Variants in PRUNE2 observed in about 807,000 individuals in gnomAD.
PRUNE2 encodes the protein protein prune homolog 2.
A neutral mutation model predicts 252.0 loss-of-function variants in PRUNE2; 164 were observed. The observed-to-expected ratio is 0.65, with a 90% CI of 0.57 to 0.74. The LOEUF (loss-of-function observed/expected upper bound fraction) is 0.74. PRUNE2 is among the 30% of genes least tolerant of loss of function. The pLI is 0.00. For synonymous variants in PRUNE2, 1,292 were observed against 1,350.2 expected, an observed-to-expected ratio of 0.96 and a Z score of 0.94; for missense variants, 3,495 against 3,711.0, an observed-to-expected ratio of 0.94 and a Z score of 1.51.
At chr9:76,795,615 C>T (rs1015127108) in intron 6 of PRUNE2, among the ~76,000 whole-genome samples, 3 of 151,940 alleles carry the variant, frequency 2.0e-5, no homozygotes, top group Non-Finnish European at 2.9e-5. Flanking sequence ...TTCTTGTACA[C>T]GAGCCTAAAA....
In PRUNE2 at chr9:76,630,257, T is replaced by A. The variant is rs181052390; in HGVS notation, c.9051-967A>T. 3.2e-3 allele frequency among the ~76,000 whole-genome samples: 452 copies of A among 143,454 alleles called. 1 individual carries two copies. Among genetic ancestry groups the A allele is most frequent in the Non-Finnish European group, 3.9e-3 (257 of 65,122 alleles). 94.1% of individuals were successfully genotyped at this position (143,454 alleles called of 152,430 possible). ...TTTTTTTTTTAGTTTATTTTAAAAA[T>A]TTTTGTTTTTTTTTTTTTAAAGTTT... On this transcript the variant is annotated intron_variant, in intron 15 of 18. Transcript: ENST00000376718.
chr9:76,807,969 G>T (rs1393992254), intron 6 of PRUNE2, among the ~76,000 whole-genome samples: 1 of 152,156 alleles, frequency 6.6e-6, no homozygotes, highest in African/African-American at 2.4e-5. Flanking sequence ...CCTGAGGTCA[G>T]GAGTTCGAGA....
At chr9:76,735,557 G>A (rs1033592169) in intron 6 of PRUNE2, among the ~76,000 whole-genome samples, 1 of 151,796 alleles carries the variant, frequency 6.6e-6, no homozygotes, top group African/African-American at 2.4e-5. Context: ...GGGAATAGCA[G>A]GAGTAACTGG....
chr9:76,820,159 C>G (rs2057953254), intron 6 of PRUNE2, among the ~76,000 whole-genome samples: 1 of 152,174 alleles, frequency 6.6e-6, no homozygotes, highest in South Asian at 2.1e-4. Flanking sequence ...TTAAGAAGAG[C>G]TGCCCCTCTG....
chr9:76,708,359 C>T lies in PRUNE2; in HGVS notation c.3915G>A (p.Glu1305=), dbSNP rs1331430241. Residue 1305 remains glutamate (E), a synonymous_variant, in exon 8 of 19, where the codon GAG becomes GAA. Coordinates refer to ENST00000376718, the MANE Select transcript of PRUNE2 (RefSeq NM_015225.3). The part of the protein sequence containing the change: ...SDAASLATRL[E]NPGYFPHPDP... ...CTGGGTGTGGAAAATACCCTGGATT[C>T]TCAAGCCTAGTCGCCAAGGATGCTG... 4 of 1,613,730 alleles carry T rather than the reference C, an allele frequency of 2.5e-6. No homozygotes were observed. Among genetic ancestry groups the T allele is most frequent in the Admixed American group, 1.7e-5 (1 of 60,002 alleles).
chr9:76,713,495 C>T, intron 7 of PRUNE2, 68 bp downstream of exon 7: 1 of 1,370,114 alleles, frequency 7.3e-7, no homozygotes. Context: ...TTCTGTCTTG[C>T]ACTGTGTGTT....
chr9:76,705,895 G>C lies in PRUNE2; in HGVS notation c.6379C>G (p.Pro2127Ala). ...CAAAGCTCACTGGATTCCACTTCAGGTCCCATGCAAGCACTGAGGTGCTTC... is the reference window on the plus strand; with the variant it reads ...CAAAGCTCACTGGATTCCACTTCAGCTCCCATGCAAGCACTGAGGTGCTTC... Reference protein sequence around the residue: ...TEKHLSACMGPEVESSELCLT... With the variant: ...TEKHLSACMGAEVESSELCLT... Residue 2127 changes from proline (P) to alanine (A), a missense_variant, in exon 8 of 19, where the codon CCT (proline) becomes GCT (alanine). By Grantham distance (27) the Pro-to-Ala change is conservative. Transcript: ENST00000376718. The C allele has an allele frequency of 6.2e-7, 1 of 1,613,810 alleles. No homozygotes were observed. The highest frequency in any genetic ancestry group is 8.5e-7 in the Non-Finnish European group (1 of 1,179,866).
chr9:76,708,147 A>G lies in PRUNE2; in HGVS notation c.4127T>C (p.Ile1376Thr). Residue 1376 changes from isoleucine (I) to threonine (T), a missense_variant, in exon 8 of 19, where the codon ATC (isoleucine) becomes ACC (threonine). By Grantham distance (89) the Ile-to-Thr change is moderately conservative. Transcript: ENST00000376718. ...GCTGATTTTGCCTGATTTAATGCAG[A>G]TTTCCTGATGTTCAGATGCAACCAG... ...SSLVASEHQE[I>T]CIKSGKISSL... 1 of 1,613,938 alleles carries G rather than the reference A, an allele frequency of 6.2e-7. No individual in the cohort carries two copies. Among genetic ancestry groups the G allele is most frequent in the African/African-American group, 1.3e-5 (1 of 75,036 alleles).
intron 6 of PRUNE2, among the ~76,000 whole-genome samples, chr9:76,731,324 A>ATATTTTT (rs1332074252): frequency 1.9e-5 from 2 of 106,794 alleles, no homozygotes; most frequent in African/African-American, 6.9e-5. Flanking sequence ...ATATATATAT[A>ATATTTTT]TTTTTTTTTT....
At chr9:76,764,080 A>G (rs1017371931) in intron 6 of PRUNE2, among the ~76,000 whole-genome samples, 4 of 152,304 alleles carry the variant, frequency 2.6e-5, no homozygotes, top group South Asian at 4.1e-4. Context: ...TTCACAATGC[A>G]TTCATTGATT....
intron 6 of PRUNE2, among the ~76,000 whole-genome samples, chr9:76,812,770 A>G (rs1373378780): frequency 6.6e-6 from 1 of 152,152 alleles, no homozygotes; most frequent in African/African-American, 2.4e-5. Flanking sequence ...CCCCAGATGC[A>G]CATGTGTCTC....
At chr9:76,787,890 G>A (rs941255309) in intron 6 of PRUNE2, among the ~76,000 whole-genome samples, 2 of 152,174 alleles carry the variant, frequency 1.3e-5, no homozygotes, top group East Asian at 1.9e-4. Context: ...TCCTGTGACC[G>A]CAGCTTCCGG....
intron 11 of PRUNE2, among the ~76,000 whole-genome samples, chr9:76,647,188 T>C (rs111739404): frequency 1.3e-5 from 2 of 152,288 alleles, no homozygotes; most frequent in African/African-American, 4.8e-5. Flanking sequence ...AAAACAAAAA[T>C]TGTATACTAC....
At chr9:76,818,358 C>G (rs1293660480) in intron 6 of PRUNE2, among the ~76,000 whole-genome samples, 1 of 152,250 alleles carries the variant, frequency 6.6e-6, no homozygotes, top group Non-Finnish European at 1.5e-5. Context: ...TAAACGTTCC[C>G]TTTTGTCAGG....
chr9:76,824,500 A>G (rs1297279505), intron 5 of PRUNE2, among the ~76,000 whole-genome samples: 1 of 152,234 alleles, frequency 6.6e-6, no homozygotes, highest in African/African-American at 2.4e-5. Flanking sequence ...AATAAGAGTT[A>G]TTAAATTCCC....
chr9:76,820,051 G>A (rs1264595826), intron 6 of PRUNE2, among the ~76,000 whole-genome samples: 1 of 152,170 alleles, frequency 6.6e-6, no homozygotes, highest in Non-Finnish European at 1.5e-5. Context: ...AATATGTCAT[G>A]TGCATTCCCC....
At chr9:76,822,318 C>T (rs2058080027) in intron 6 of PRUNE2, among the ~76,000 whole-genome samples, 1 of 152,178 alleles carries the variant, frequency 6.6e-6, no homozygotes, top group African/African-American at 2.4e-5. Flanking sequence ...CCAAACATCA[C>T]AGTTTGCCTC....
chr9:76,706,393 C>T lies in PRUNE2; in HGVS notation c.5881G>A (p.Asp1961Asn). 6.2e-7 allele frequency: 1 copy of T among 1,605,344 alleles called. No homozygotes were observed. The highest frequency in any genetic ancestry group is 1.1e-5 in the South Asian group (1 of 91,064). The change falls in exon 8 of 19, where the codon GAC becomes AAC. Residue 1961 changes from aspartate to asparagine, a missense_variant. Asp to Asn is a conservative substitution (Grantham distance 23). Transcript: ENST00000376718. ...PETPTQEQCQ[D>N]TMLPVCDHPD... ...TGATCACAGACTGGCAGCATGGTGT[C>T]CTGACACTGCTCTTGGGTAGGTGTT...
chr9:76,702,013 T>TG, intron 9 of PRUNE2, among the ~76,000 whole-genome samples: 1 of 152,046 alleles, frequency 6.6e-6, no homozygotes, highest in South Asian at 2.1e-4. Context: ...ATGTGATGTG[T>TG]ATAGTCCTTT....
Sources: gnomAD v4.1 joint callset for allele counts (sites outside exome capture counted in the v4.1 genomes callset) on GRCh38, gnomAD v4.1.1 for gene constraint, MANE v1.5 for transcripts, NCBI Gene and HGNC (gene_info 2026-07-23, HGNC 2026-07-21) for gene names.